GK5: variants seen among roughly 807,000 people sequenced by gnomAD.
The protein encoded by GK5 is ATP:glycerol 3-phosphotransferase 5.
In GK5, 39 loss-of-function variants were observed where a neutral mutation model predicts 77.3. The observed-to-expected ratio is 0.50, with a 90% CI of 0.39 to 0.66. The LOEUF (loss-of-function observed/expected upper bound fraction) is 0.66, where lower values mean the gene tolerates loss of function less well. Among genes scored for constraint, GK5 ranks in the 30% least tolerant of loss-of-function variants. The pLI, the probability that GK5 is intolerant of heterozygous loss-of-function variation, is 0.00. For synonymous variants in GK5, 211 were observed against 208.0 expected, an observed-to-expected ratio of 1.01 and a Z score of -0.13; for missense variants, 487 against 633.8, an observed-to-expected ratio of 0.77 and a Z score of 2.49.
At chr3:142,173,856 C>G (rs1560211180) in intron 12 of GK5, among the ~76,000 whole-genome samples, 1 of 152,164 alleles carries the variant, frequency 6.6e-6, no homozygotes, top group Non-Finnish European at 1.5e-5. Flanking sequence ...TTATGATCCT[C>G]AGAAAAAGCA....
chr3:142,171,365 C>G, intron 14 of GK5, 54 bp downstream of exon 14: 1 of 1,396,462 alleles, frequency 7.2e-7, no homozygotes, highest in Non-Finnish European at 9.5e-7. Context: ...CTCATAGCAG[C>G]TACCACTTAC....
chr3:142,218,116 A>G (rs946912734), intron 1 of GK5, among the ~76,000 whole-genome samples: 4 of 152,154 alleles, frequency 2.6e-5, no homozygotes, highest in African/African-American at 7.2e-5. Flanking sequence ...GAGTCCAGAA[A>G]TAGACTCACA....
rs2063439361 is a variant in GK5 at position 142,163,268 on chromosome 3, G to A, written c.*2354C>T. The A allele has an allele frequency of 7.0e-6, 1 of 143,512 alleles. No homozygotes were observed. The highest frequency in any genetic ancestry group is 1.5e-5 in the Non-Finnish European group (1 of 66,630). 8.9% of individuals were successfully genotyped at this position (143,512 alleles called of 1,614,324 possible). ...GTTACTTTCCAACATTATCTGAAAA[G>A]TATTGATCCTTTTTTTTTTTTTTTG... On this transcript the variant is annotated 3_prime_UTR_variant, in exon 16 of 16. Transcript: ENST00000392993.
intron 3 of GK5, among the ~76,000 whole-genome samples, chr3:142,206,591 T>C (rs932886585): frequency 1.3e-5 from 2 of 152,214 alleles, no homozygotes; most frequent in African/African-American, 4.8e-5. Flanking sequence ...ATGAACTGCA[T>C]TGTTGCTTTC....
At chr3:142,169,669 CT>C (rs71304258) in intron 15 of GK5, among the ~76,000 whole-genome samples, 1,553 of 116,894 alleles carry the variant, frequency 0.013, 12 homozygotes, top group African/African-American at 0.047. Flanking sequence ...CCTTACTGTT[CT>C]TTTTTTTTTT....
intron 3 of GK5, among the ~76,000 whole-genome samples, chr3:142,211,246 G>A (rs1012359358): frequency 6.6e-6 from 1 of 152,144 alleles, no homozygotes; most frequent in Non-Finnish European, 1.5e-5. Context: ...GGATGCTGCT[G>A]AACAGCTGCA....
chr3:142,219,237 AG>A (rs2064312083), intron 1 of GK5, among the ~76,000 whole-genome samples: 1 of 152,216 alleles, frequency 6.6e-6, no homozygotes, highest in Admixed American at 6.5e-5. Context: ...GGTTGTACAC[AG>A]GACTGGTTCA....
At chr3:142,194,033 G>A (rs568955731) in intron 5 of GK5, among the ~76,000 whole-genome samples, 12 of 152,166 alleles carry the variant, frequency 7.9e-5, no homozygotes, top group African/African-American at 4.8e-5. Flanking sequence ...GAGCCACTGC[G>A]TCCAGCCAAA....
At chr3:142,199,052 G>A in intron 4 of GK5, 119 bp from the exon 5 acceptor site, 1 of 625,944 alleles carries the variant, frequency 1.6e-6, no homozygotes, top group Non-Finnish European at 2.6e-6. Flanking sequence ...TTATAATAGT[G>A]TTTTCTGCAA....
chr3:142,201,680 T>G (rs113063482), intron 4 of GK5, among the ~76,000 whole-genome samples: 1 of 151,976 alleles, frequency 6.6e-6, no homozygotes, highest in African/African-American at 2.4e-5. Context: ...AAAGTAAAAC[T>G]GGGGAAATCC....
intron 1 of GK5, among the ~76,000 whole-genome samples, chr3:142,222,897 T>C (rs1683138196): frequency 6.6e-6 from 1 of 152,202 alleles, no homozygotes; most frequent in African/African-American, 2.4e-5. Flanking sequence ...AAATGCTTAG[T>C]TTTCTTTTAT....
At chr3:142,194,126 T>C (rs985915653) in intron 5 of GK5, among the ~76,000 whole-genome samples, 2 of 152,184 alleles carry the variant, frequency 1.3e-5, no homozygotes, top group Admixed American at 1.3e-4. Context: ...GGGTCACACC[T>C]GTAATCCCAG....
In GK5 at chr3:142,159,145, G is replaced by C. The variant is rs532253004; in HGVS notation, c.*6477C>G. 1 of 152,180 alleles carries C rather than the reference G, an allele frequency of 6.6e-6. No homozygotes were observed. Among genetic ancestry groups the C allele is most frequent in the African/African-American group, 2.4e-5 (1 of 41,528 alleles). The allele number at this position is 152,180 out of a possible 1,614,324, so 9.4% of individuals were successfully genotyped here. On this transcript the variant is annotated 3_prime_UTR_variant, in exon 16 of 16. Transcript: ENST00000392993. Reference sequence around the variant, plus strand: ...ATCCTCCTGCCTCAATTGGCAAATGGGCAAAAGATATGAACAGATATTTCA... The same window carrying C: ...ATCCTCCTGCCTCAATTGGCAAATGCGCAAAAGATATGAACAGATATTTCA...
intron 4 of GK5, among the ~76,000 whole-genome samples, chr3:142,203,635 G>C (rs995279967): frequency 1.3e-5 from 2 of 152,114 alleles, no homozygotes; most frequent in Non-Finnish European, 2.9e-5. Context: ...TTAGCTGGGC[G>C]TGGTGGCATA....
intron 12 of GK5, among the ~76,000 whole-genome samples, chr3:142,177,030 C>T (rs1039130510): frequency 1.3e-5 from 2 of 152,138 alleles, no homozygotes; most frequent in Admixed American, 1.3e-4. Context: ...CATACATATA[C>T]ATGTGTGTGC....
chr3:142,188,068 TA>T (rs898111042), intron 5 of GK5, among the ~76,000 whole-genome samples: 4 of 151,530 alleles, frequency 2.6e-5, no homozygotes, highest in African/African-American at 4.8e-5. Context: ...GTTTTTTTTT[TA>T]AAAAAAACAA....
In GK5 at chr3:142,209,148, CA is replaced by C. The variant is rs200845861; in HGVS notation, c.318-4361del. Among the ~76,000 whole-genome samples the C allele has an allele frequency of 4.8e-3, 629 of 131,852 alleles. 2 individuals carry two copies. Among genetic ancestry groups the C allele is most frequent in the African/African-American group, 0.012 (430 of 36,404 alleles). 86.5% of individuals were successfully genotyped at this position (131,852 alleles called of 152,430 possible). A position where few individuals can be genotyped will look rare whatever the true frequency, so the allele number is the denominator to read the frequency against. The stretch of plus-strand genomic sequence containing the variant: ...TGGGCAAAAGAGTGAGACTCCGCCT[CA>C]AAAAAAAAAAAATGGATAAATAGAG... On this transcript the variant is annotated intron_variant, in intron 3 of 15. Coordinates refer to ENST00000392993, the MANE Select transcript of GK5 (RefSeq NM_001039547.3).
intron 15 of GK5, among the ~76,000 whole-genome samples, chr3:142,167,579 G>C (rs764256731): frequency 2.5e-4 from 38 of 152,108 alleles, no homozygotes; most frequent in Non-Finnish European, 1.6e-4. Context: ...AGTATGTATA[G>C]AGCAAATCCA....
chr3:142,222,568 A>T (rs1278641557), intron 1 of GK5, among the ~76,000 whole-genome samples: 1 of 152,152 alleles, frequency 6.6e-6, no homozygotes, highest in Non-Finnish European at 1.5e-5. Context: ...CATCTCAAAA[A>T]AAAAAAAAAT....
Sources: allele counts gnomAD v4.1 joint callset (sites outside exome capture counted in the v4.1 genomes callset), GRCh38; gene constraint gnomAD v4.1.1; transcripts MANE v1.5; gene names NCBI Gene and HGNC (gene_info 2026-07-23, HGNC 2026-07-21).